The following MKLN1 variants were observed in gnomAD, a reference collection of about 807,000 sequenced individuals.
MKLN1 encodes muskelin 1.
A neutral mutation model predicts 99.0 loss-of-function variants in MKLN1; 18 were observed. That is an observed-to-expected ratio of 0.18 (90% CI 0.13 to 0.27). MKLN1 has a LOEUF of 0.27. Ranked by LOEUF, MKLN1 falls within the 10% of genes least tolerant of loss-of-function variation. The pLI is 1.00. For missense variants in MKLN1, 621 were observed against 875.9 expected (o/e 0.71, Z 3.67); for synonymous variants, 288 against 293.2 (o/e 0.98, Z 0.18).
At chr7:131,278,127 C>G (rs1206895041) in intron 3 of MKLN1, among the ~76,000 whole-genome samples, 1 of 152,160 alleles carries the variant, frequency 6.6e-6, no homozygotes, top group Non-Finnish European at 1.5e-5. Flanking sequence ...ACTGCAACCT[C>G]TGCCTCCTGG....
chr7:131,331,435 G>A (rs1413601770), intron 1 of MKLN1, among the ~76,000 whole-genome samples: 2 of 152,172 alleles, frequency 1.3e-5, no homozygotes, highest in Admixed American at 1.3e-4. Context: ...CTATTTTAGA[G>A]CTAGGAAAAG....
chr7:131,422,290 A>G (rs1050931575), intron 8 of MKLN1, among the ~76,000 whole-genome samples: 8 of 152,202 alleles, frequency 5.3e-5, no homozygotes, highest in Non-Finnish European at 1.0e-4. Context: ...GCTCATACCT[A>G]TAATCCCAGA....
intron 2 of MKLN1, among the ~76,000 whole-genome samples, chr7:131,183,864 T>C (rs1425808058): frequency 1.3e-5 from 2 of 152,150 alleles, no homozygotes; most frequent in East Asian, 3.9e-4. Flanking sequence ...TTTTAGCCTC[T>C]GTTGTGCCTC....
chr7:131,151,192 C>T (rs1450928851), intron 2 of MKLN1, among the ~76,000 whole-genome samples: 3 of 152,152 alleles, frequency 2.0e-5, no homozygotes, highest in South Asian at 2.1e-4. Flanking sequence ...ATCCGAAAAT[C>T]GGAAGGAGCA....
At chr7:131,478,535 T>G in intron 16 of MKLN1, 88 bp from the exon 17 acceptor site, 2 of 1,325,182 alleles carry the variant, frequency 1.5e-6, no homozygotes, top group Non-Finnish European at 2.0e-6. Context: ...TGCTGATAAA[T>G]GGTCAAAGTT....
chr7:131,166,810 C>T (rs1796133320), intron 2 of MKLN1, among the ~76,000 whole-genome samples: 1 of 152,148 alleles, frequency 6.6e-6, no homozygotes, highest in South Asian at 2.1e-4. Flanking sequence ...CTCAGCCTCC[C>T]CAATAGCTGG....
At chr7:131,259,491 A>G (rs900487437) in intron 3 of MKLN1, among the ~76,000 whole-genome samples, 1 of 152,158 alleles carries the variant, frequency 6.6e-6, no homozygotes, top group Non-Finnish European at 1.5e-5. Context: ...ATCTGTAGAT[A>G]TGTATACTTA....
chr7:131,144,899 C>T (rs898465651), intron 2 of MKLN1, among the ~76,000 whole-genome samples: 2 of 152,084 alleles, frequency 1.3e-5, no homozygotes, highest in Non-Finnish European at 2.9e-5. Context: ...ATCGCTTGAA[C>T]CCGGTAGGCA....
chr7:131,432,983 C>T (rs1369393722), intron 9 of MKLN1, among the ~76,000 whole-genome samples: 1 of 152,188 alleles, frequency 6.6e-6, no homozygotes, highest in Non-Finnish European at 1.5e-5. Context: ...CCCCAGACCA[C>T]ACTGAGAACT....
intron 9 of MKLN1, among the ~76,000 whole-genome samples, chr7:131,432,025 C>T (rs1795537596): frequency 6.6e-6 from 1 of 152,156 alleles, no homozygotes; most frequent in Non-Finnish European, 1.5e-5. Flanking sequence ...TAAAAGCTTC[C>T]TTTGATGTGC....
At chr7:131,465,943 GATTA>G (rs377115875) in intron 14 of MKLN1, among the ~76,000 whole-genome samples, 7 of 152,246 alleles carry the variant, frequency 4.6e-5, no homozygotes, top group African/African-American at 1.7e-4. Flanking sequence ...TCAATATTGT[GATTA>G]ATTTTATCCC....
At chr7:131,175,731 C>T (rs773952034) in intron 2 of MKLN1, among the ~76,000 whole-genome samples, 1 of 152,194 alleles carries the variant, frequency 6.6e-6, no homozygotes, top group Non-Finnish European at 1.5e-5. Context: ...GAAACCCCGT[C>T]TCTACTAAAA....
intron 1 of MKLN1, among the ~76,000 whole-genome samples, chr7:131,137,816 C>T (rs890959058): frequency 6.6e-6 from 1 of 152,126 alleles, no homozygotes; most frequent in African/African-American, 2.4e-5. Flanking sequence ...CTCAGGTGAT[C>T]CACCTGCCTA....
intron 2 of MKLN1, among the ~76,000 whole-genome samples, chr7:131,184,023 C>CA (rs1796412405): frequency 6.8e-6 from 1 of 146,424 alleles, no homozygotes; most frequent in South Asian, 2.2e-4. Context: ...AGAAGAGTTA[C>CA]TTTTTTTTTT....
intron 3 of MKLN1, among the ~76,000 whole-genome samples, chr7:131,271,002 C>T (rs1403097479): frequency 6.6e-6 from 1 of 151,884 alleles, no homozygotes; most frequent in Non-Finnish European, 1.5e-5. Context: ...TGTTCAATAT[C>T]ATTGTAAAAC....
At chr7:131,359,410 A>G (rs926828098) in intron 1 of MKLN1, among the ~76,000 whole-genome samples, 10 of 152,130 alleles carry the variant, frequency 6.6e-5, no homozygotes, top group Non-Finnish European at 1.3e-4. Flanking sequence ...CATATATTTT[A>G]TCATCTTCCT....
At chr7:131,137,214 G>C (rs1541959) in intron 1 of MKLN1, among the ~76,000 whole-genome samples, 21,390 of 152,088 alleles carry the variant, frequency 0.14, 1,640 homozygotes, top group African/African-American at 0.2. Flanking sequence ...GCACATTATC[G>C]TGTTTATTGA....
intron 1 of MKLN1, among the ~76,000 whole-genome samples, chr7:131,364,789 G>A (rs968397742): frequency 3.3e-5 from 5 of 151,626 alleles, no homozygotes; most frequent in African/African-American, 4.9e-5. Context: ...AAATGATCTC[G>A]TTTTTTTTAT....
chr7:131,340,403 C>T (rs779949018), intron 1 of MKLN1, among the ~76,000 whole-genome samples: 1 of 151,610 alleles, frequency 6.6e-6, no homozygotes, highest in Admixed American at 6.6e-5. Flanking sequence ...TCAGCCCCCC[C>T]AAGTAGCTGG....
Sources: allele counts gnomAD v4.1 joint callset (sites outside exome capture counted in the v4.1 genomes callset), GRCh38; gene constraint gnomAD v4.1.1; transcripts MANE v1.5; gene names NCBI Gene and HGNC (gene_info 2026-07-23, HGNC 2026-07-21).